UQCRC1: variants seen among roughly 807,000 people sequenced by gnomAD.
UQCRC1 encodes the protein ubiquinol-cytochrome c reductase core protein 1.
A neutral mutation model predicts 58.0 loss-of-function variants in UQCRC1; 34 were observed. That is an observed-to-expected ratio of 0.59 (90% CI 0.45 to 0.78). UQCRC1 has a LOEUF of 0.78. Among genes scored for constraint, UQCRC1 ranks in the 30% least tolerant of loss-of-function variants. The pLI is 0.00. For missense variants in UQCRC1, 610 were observed against 646.0 expected (o/e 0.94, Z 0.60); for synonymous variants, 276 against 248.8 (o/e 1.11, Z -1.03).
Position 48,604,304 on chromosome 3 carries a change from G to A in UQCRC1, c.555C>T (p.Asn185=), listed in dbSNP as rs778093714. The A allele has an allele frequency of 8.7e-6, 14 of 1,613,766 alleles. No homozygotes were observed. The highest frequency in any genetic ancestry group is 1.2e-5 in the Non-Finnish European group (14 of 1,180,050). The change falls in exon 5 of 13, where the codon AAC becomes AAT. Residue 185 remains asparagine (N), a synonymous_variant. Transcript: ENST00000203407. ...CCTGGAATGCTGTGGCATGCAGGTAGTTAAAGACCACATCTCGCATAGATG... is the reference window on the plus strand; with the variant it reads ...CCTGGAATGCTGTGGCATGCAGGTAATTAAAGACCACATCTCGCATAGATG... ...NDASMRDVVF[N]YLHATAFQGT...
intron 12 of UQCRC1, 64 bp downstream of exon 12, chr3:48,599,571 G>C: frequency 6.4e-7 from 1 of 1,567,684 alleles, no homozygotes; most frequent in Non-Finnish European, 8.8e-7. Context: ...AGCAGAGGTG[G>C]AAGGGGAGGC....
At chr3:48,604,539 G>C in intron 4 of UQCRC1, 108 bp from the exon 5 acceptor site, 1 of 1,585,606 alleles carries the variant, frequency 6.3e-7, no homozygotes, top group Admixed American at 1.7e-5. Context: ...TAGTTGCCCA[G>C]CTGCAAAGCC....
chr3:48,606,611 G>A (rs2046415023), intron 2 of UQCRC1, among the ~76,000 whole-genome samples: 1 of 152,066 alleles, frequency 6.6e-6, no homozygotes, highest in Non-Finnish European at 1.5e-5. Flanking sequence ...GCCAGGTGTG[G>A]TGGCACGTGC....
Position 48,600,145 on chromosome 3 carries a change from G to C in UQCRC1, c.1220C>G (p.Thr407Ser), listed in dbSNP as rs1340001855. Residue 407 changes from threonine to serine, a missense_variant, in exon 11 of 13, where the codon ACT (threonine) becomes AGT (serine). Physicochemically the swap from Thr to Ser is moderately conservative, Grantham distance 58. Coordinates refer to ENST00000203407, the MANE Select transcript of UQCRC1 (RefSeq NM_003365.3). ...NALVSHLDGTTPVCEDIGRSL... is the reference protein window; with the variant it reads ...NALVSHLDGTSPVCEDIGRSL... ...GCGTCCGATGTCCTCACACACAGGAGTAGTGCCTTTAAGGGTGAGAGAAGG... is the reference window on the plus strand; with the variant it reads ...GCGTCCGATGTCCTCACACACAGGACTAGTGCCTTTAAGGGTGAGAGAAGG... The C allele has an allele frequency of 6.2e-7, 1 of 1,614,080 alleles. No individual in the cohort carries two copies. The highest frequency in any genetic ancestry group is 1.1e-5 in the South Asian group (1 of 91,092).
chr3:48,606,564 T>A (rs934923278), intron 2 of UQCRC1, among the ~76,000 whole-genome samples: 1 of 152,030 alleles, frequency 6.6e-6, no homozygotes, highest in African/African-American at 2.4e-5. Flanking sequence ...CTGGCCAATA[T>A]AGTGAAACCC....
intron 3 of UQCRC1, among the ~76,000 whole-genome samples, chr3:48,605,489 TGTGCATATCTAC>T (rs2046403217): frequency 6.6e-6 from 1 of 152,228 alleles, no homozygotes; most frequent in African/African-American, 2.4e-5. Flanking sequence ...TTAAAATGCA[TGTGCATATCTAC>T]GTGTGTTCCA....
rs1371655312 is a variant in UQCRC1 at position 48,604,787 on chromosome 3, C to T, written c.298-7G>A. On this transcript the variant is annotated splice_region_variant and splice_polypyrimidine_tract_variant and intron_variant, in intron 3 of 12. Transcript: ENST00000203407. The stretch of plus-strand genomic sequence containing the variant: ...CAGGCCGATTCTTTGTTCCCTGGAA[C>T]CAGATATCAACCAGAACAATCAGGA... 1.9e-6 allele frequency: 3 copies of T among 1,613,916 alleles called. No individual in the cohort carries two copies. The East Asian group carries it at 6.7e-5, about 36-fold the overall frequency.
intron 2 of UQCRC1, 118 bp downstream of exon 2, chr3:48,609,044 C>T (rs1343553883): frequency 1.4e-6 from 2 of 1,421,408 alleles, no homozygotes; most frequent in Non-Finnish European, 1.9e-6. Flanking sequence ...GGTGAGTGGT[C>T]CTGGGTCCGA....
intron 4 of UQCRC1, 109 bp from the exon 5 acceptor site, chr3:48,604,540 C>A: frequency 6.3e-7 from 1 of 1,586,768 alleles, no homozygotes. Context: ...AGTTGCCCAG[C>A]TGCAAAGCCA....
At chr3:48,604,916 C>T (rs1413371332) in intron 3 of UQCRC1, 136 bp from the exon 4 acceptor site, 3 of 1,291,072 alleles carry the variant, frequency 2.3e-6, no homozygotes, top group Non-Finnish European at 3.2e-6. Context: ...ACACAGATCC[C>T]AGAGTCTGTT....
chr3:48,603,673 C>T (rs201771292), intron 5 of UQCRC1, 30 bp from the exon 6 acceptor site: 1 of 1,600,042 alleles, frequency 6.2e-7, no homozygotes, highest in Non-Finnish European at 8.6e-7. Flanking sequence ...TGTGTCAACA[C>T]CTCTACCACA....
At position 48,601,077 on chromosome 3, in the gene UQCRC1, G is replaced by A; in HGVS notation, c.864C>T (p.Ala288=). 1 of 1,607,984 alleles carries A rather than the reference G, an allele frequency of 6.2e-7. No individual in the cohort carries two copies. The highest frequency in any genetic ancestry group is 8.5e-7 in the Non-Finnish European group (1 of 1,175,036). ...RDDALPFAHV[A]IAVEGPGWAS... Reference sequence around the variant, plus strand: ...CCCAGCCAGGACCCTCTACTGCAATGGCCACGTGGGCAAAAGGTAGAGCAT... The same window carrying A: ...CCCAGCCAGGACCCTCTACTGCAATAGCCACGTGGGCAAAAGGTAGAGCAT... Residue 288 remains alanine, a synonymous_variant, in exon 8 of 13, where the codon GCC becomes GCT. Transcript: ENST00000203407.
At chr3:48,606,617 C>T (rs943581667) in intron 2 of UQCRC1, among the ~76,000 whole-genome samples, 7 of 151,898 alleles carry the variant, frequency 4.6e-5, no homozygotes, top group Non-Finnish European at 7.4e-5. Flanking sequence ...TGTGGTGGCA[C>T]GTGCCTGTAG....
rs767351821 is a variant in UQCRC1 at position 48,605,872 on chromosome 3, C to T, written c.211-16G>A. The T allele has an allele frequency of 5.0e-6, 8 of 1,612,910 alleles. No homozygotes were observed. Among genetic ancestry groups the T allele is most frequent in the Non-Finnish European group, 6.8e-6 (8 of 1,179,468 alleles). Reference sequence around the variant, plus strand: ...ACACTCCCACCTGGTCAAGAAGCCACCAGAAAAGGTTACAAACAAACCACT... The same window carrying T: ...ACACTCCCACCTGGTCAAGAAGCCATCAGAAAAGGTTACAAACAAACCACT... On this transcript the variant is annotated splice_polypyrimidine_tract_variant and intron_variant, in intron 2 of 12. Coordinates refer to ENST00000203407, the MANE Select transcript of UQCRC1 (RefSeq NM_003365.3).
Position 48,600,092 on chromosome 3 carries a change from G to A in UQCRC1, c.1273C>T (p.Pro425Ser). 1 of 1,614,168 alleles carries A rather than the reference G, an allele frequency of 6.2e-7. No homozygotes were observed. The highest frequency in any genetic ancestry group is 8.5e-7 in the Non-Finnish European group (1 of 1,180,028). Reference sequence around the variant, plus strand: ...ATCCGGCTTTCCCATTCAGCCAGGGGGATGCGGCGGCCATAGGTCAGGAGG... The same window carrying A: ...ATCCGGCTTTCCCATTCAGCCAGGGAGATGCGGCGGCCATAGGTCAGGAGG... Reference protein sequence around the residue: ...RSLLTYGRRIPLAEWESRIAE... With the variant: ...RSLLTYGRRISLAEWESRIAE... The change falls in exon 11 of 13, where the codon CCC becomes TCC. Residue 425 changes from proline to serine, a missense_variant. Pro to Ser is a moderately conservative substitution (Grantham distance 74, BLOSUM62 -1). Transcript: ENST00000203407.
Position 48,600,152 on chromosome 3 carries a change from C to A in UQCRC1, c.1214-1G>T. The A allele has an allele frequency of 2.5e-6, 4 of 1,614,020 alleles. No homozygotes were observed. The highest frequency in any genetic ancestry group is 3.4e-6 in the Non-Finnish European group (4 of 1,179,988). ...ATGTCCTCACACACAGGAGTAGTGC[C>A]TTTAAGGGTGAGAGAAGGCTCAGAG... On this transcript the variant is annotated splice_acceptor_variant, in intron 10 of 12. Coordinates refer to ENST00000203407, the MANE Select transcript of UQCRC1 (RefSeq NM_003365.3). LOFTEE classifies it high-confidence loss of function.
intron 5 of UQCRC1, chr3:48,604,005 G>A: frequency 1.7e-6 from 1 of 603,062 alleles, no homozygotes; most frequent in Non-Finnish European, 2.9e-6. Context: ...CCCTTGGACT[G>A]TCAGGACATG....
chr3:48,603,956 A>G, intron 5 of UQCRC1: 1 of 586,072 alleles, frequency 1.7e-6, no homozygotes, highest in Non-Finnish European at 3.0e-6. Context: ...TCCACAAAGG[A>G]GACAAGAGAC....
chr3:48,599,217 G>A, intron 12 of UQCRC1, 25 bp from the exon 13 acceptor site: 2 of 1,579,856 alleles, frequency 1.3e-6, no homozygotes, highest in Non-Finnish European at 1.7e-6. Context: ...TGGAGCGTCA[G>A]GGTGGGGTAC....
Sources: allele counts gnomAD v4.1 joint callset (sites outside exome capture counted in the v4.1 genomes callset), GRCh38; gene constraint gnomAD v4.1.1; transcripts MANE v1.5; gene names NCBI Gene and HGNC (gene_info 2026-07-23, HGNC 2026-07-21).